The following NBEA variants were observed in gnomAD, a reference collection of about 807,000 sequenced individuals.
NBEA encodes neurobeachin, also known as lysosomal-trafficking regulator 2.
Under a neutral mutation model 343.4 loss-of-function variants are expected in NBEA, and 44 were observed. The ratio of observed to expected loss-of-function variants is 0.13; its 90% CI spans 0.10 to 0.16. The LOEUF is 0.16. NBEA is among the 10% of genes least tolerant of loss of function. The pLI is 1.00. For missense variants in NBEA, 2,555 were observed against 3,631.3 expected (o/e 0.70, Z 7.62); for synonymous variants, 1,175 against 1,238.7 (o/e 0.95, Z 1.08).
intron 41 of NBEA, among the ~76,000 whole-genome samples, chr13:35,534,739 A>G (rs2078444330): frequency 6.6e-6 from 1 of 152,202 alleles, no homozygotes; most frequent in Admixed American, 6.5e-5. Flanking sequence ...GCTGGGCTCC[A>G]TGAAAGGAGG....
At chr13:35,260,037 G>A (rs2033066467) in intron 34 of NBEA, among the ~76,000 whole-genome samples, 1 of 152,118 alleles carries the variant, frequency 6.6e-6, no homozygotes, top group South Asian at 2.1e-4. Flanking sequence ...ATGAAGATAT[G>A]GTTATCTTTA....
At chr13:35,490,571 G>A (rs1240887109) in intron 41 of NBEA, among the ~76,000 whole-genome samples, 2 of 151,866 alleles carry the variant, frequency 1.3e-5, no homozygotes, top group African/African-American at 4.8e-5. Context: ...CTGCCTAAAA[G>A]TCAGCTAAAC....
At chr13:35,414,085 A>T (rs1400235635) in intron 38 of NBEA, among the ~76,000 whole-genome samples, 1 of 152,124 alleles carries the variant, frequency 6.6e-6, no homozygotes, top group Non-Finnish European at 1.5e-5. Flanking sequence ...CTTCTTCATG[A>T]AAAGAAATGC....
intron 34 of NBEA, among the ~76,000 whole-genome samples, chr13:35,245,825 T>A (rs988226739): frequency 6.6e-6 from 1 of 152,168 alleles, no homozygotes; most frequent in Non-Finnish European, 1.5e-5. Context: ...TATTTGGATG[T>A]CTAGATCTGT....
chr13:35,086,306 C>A (rs2064758009), intron 10 of NBEA, among the ~76,000 whole-genome samples: 1 of 151,884 alleles, frequency 6.6e-6, no homozygotes, highest in African/African-American at 2.4e-5. Context: ...CATTTTAAGT[C>A]CTCTATTCCA....
At chr13:35,336,497 A>T (rs914315242) in intron 36 of NBEA, among the ~76,000 whole-genome samples, 4 of 152,268 alleles carry the variant, frequency 2.6e-5, no homozygotes, top group African/African-American at 7.2e-5. Context: ...CAGAATTACC[A>T]TTTAACCCAG....
intron 41 of NBEA, among the ~76,000 whole-genome samples, chr13:35,529,413 G>T (rs1594892586): frequency 6.6e-6 from 1 of 152,160 alleles, no homozygotes; most frequent in East Asian, 1.9e-4. Flanking sequence ...TATACACATG[G>T]AGCATTGTGT....
chr13:35,169,853 G>A (rs897882569), intron 25 of NBEA, among the ~76,000 whole-genome samples: 1 of 151,706 alleles, frequency 6.6e-6, no homozygotes, highest in African/African-American at 2.4e-5. Flanking sequence ...TTCATGAAGT[G>A]CTAAGAAGTA....
At position 35,667,375 on chromosome 13, in the gene NBEA, G is replaced by A; in HGVS notation, c.8466G>A (p.Glu2822=). Residue 2822 remains glutamate (E), a splice_region_variant and synonymous_variant, in exon 57 of 59, where the codon GAG becomes GAA. Transcript: ENST00000379939. The part of the protein sequence containing the change: ...ELGLVISGAK[E]GPCLVHTITG... Reference sequence around the variant, plus strand: ...GGCATTGATGTCCCCACTTTGCAGAGGGCCCTTGCCTTGTCCACACCATCA... The same window carrying A: ...GGCATTGATGTCCCCACTTTGCAGAAGGCCCTTGCCTTGTCCACACCATCA... 1 of 1,613,128 alleles carries A rather than the reference G, an allele frequency of 6.2e-7. No homozygotes were observed. Among genetic ancestry groups the A allele is most frequent in the Non-Finnish European group, 8.5e-7 (1 of 1,179,524 alleles).
Position 34,942,677 on chromosome 13 carries a change from C to T in NBEA, c.-144C>T, listed in dbSNP as rs1396708562. ...CGCCGGAGCGGGCCGGGCTGAGGCG[C>T]AGGCGGGGAGCGGGCCCGGCGCCGC... On this transcript the variant is annotated 5_prime_UTR_variant, in exon 1 of 59. Coordinates refer to ENST00000379939, the MANE Select transcript of NBEA (RefSeq NM_001385012.1). 1 of 505,714 alleles carries T rather than the reference C, an allele frequency of 2.0e-6. No individual in the cohort carries two copies. The highest frequency in any genetic ancestry group is 2.0e-5 in the African/African-American group (1 of 49,900). The allele number at this position is 505,714 out of a possible 1,614,324, so 31.3% of individuals were successfully genotyped here.
chr13:35,345,432 A>T (rs561362865), intron 36 of NBEA, among the ~76,000 whole-genome samples: 1 of 152,050 alleles, frequency 6.6e-6, no homozygotes, highest in Non-Finnish European at 1.5e-5. Flanking sequence ...ATTTATTTAT[A>T]TATTTACATA....
chr13:35,376,998 T>C (rs866395263), intron 38 of NBEA, among the ~76,000 whole-genome samples: 2 of 152,114 alleles, frequency 1.3e-5, no homozygotes, highest in Non-Finnish European at 2.9e-5. Context: ...AAAAGCCTAT[T>C]ATAGTTACAT....
intron 44 of NBEA, among the ~76,000 whole-genome samples, chr13:35,559,022 C>G (rs184352376): frequency 6.6e-6 from 1 of 152,074 alleles, no homozygotes; most frequent in Non-Finnish European, 1.5e-5. Context: ...ATATGAATAT[C>G]CTGAGGTACT....
chr13:35,630,959 C>G (rs2153067268), intron 49 of NBEA, among the ~76,000 whole-genome samples: 1 of 152,310 alleles, frequency 6.6e-6, no homozygotes, highest in South Asian at 2.1e-4. Flanking sequence ...ATTCCCCCCT[C>G]TAACATATTC....
Position 35,050,401 on chromosome 13 carries a change from T to C in NBEA, c.972+6T>C. 6.2e-7 allele frequency: 1 copy of C among 1,605,268 alleles called. No individual in the cohort carries two copies. Among genetic ancestry groups the C allele is most frequent in the Non-Finnish European group, 8.5e-7 (1 of 1,175,822 alleles). On this transcript the variant is annotated splice_donor_region_variant and intron_variant, in intron 6 of 58. Transcript: ENST00000379939. Reference sequence around the variant, plus strand: ...ATGATTTTCAACCACGCAAGGTAGGTAAAAGTAAATATTTTTATAACTCAC... The same window carrying C: ...ATGATTTTCAACCACGCAAGGTAGGCAAAAGTAAATATTTTTATAACTCAC...
chr13:35,169,932 A>G (rs2070335689), intron 25 of NBEA, among the ~76,000 whole-genome samples: 1 of 151,792 alleles, frequency 6.6e-6, no homozygotes, highest in Non-Finnish European at 1.5e-5. Flanking sequence ...CTGAATTGGC[A>G]TAATGTTGTA....
chr13:35,458,952 A>AT (rs551377429), intron 40 of NBEA, among the ~76,000 whole-genome samples: 4 of 141,128 alleles, frequency 2.8e-5, no homozygotes, highest in Admixed American at 7.4e-5. Flanking sequence ...TAAGTGTTGG[A>AT]TTTTTTTTAA....
At chr13:35,641,592 C>G (rs530104865) in intron 49 of NBEA, among the ~76,000 whole-genome samples, 7 of 152,156 alleles carry the variant, frequency 4.6e-5, no homozygotes, top group Non-Finnish European at 1.0e-4. Context: ...GTGTATAACT[C>G]AATTTATCAA....
At chr13:35,028,349 G>T (rs981501825) in intron 1 of NBEA, among the ~76,000 whole-genome samples, 1 of 151,802 alleles carries the variant, frequency 6.6e-6, no homozygotes, top group Admixed American at 6.6e-5. Context: ...TCAGTGATTT[G>T]TTGTTAAGAA....
Sources: gnomAD v4.1 joint callset for allele counts (sites outside exome capture counted in the v4.1 genomes callset) on GRCh38, gnomAD v4.1.1 for gene constraint, MANE v1.5 for transcripts, NCBI Gene and HGNC (gene_info 2026-07-23, HGNC 2026-07-21) for gene names.